ABL1: variants seen among roughly 807,000 people sequenced by gnomAD.
The protein encoded by ABL1 is tyrosine-protein kinase ABL1.
In ABL1, 11 loss-of-function variants were observed where a neutral mutation model predicts 94.7. That is an observed-to-expected ratio of 0.12 (90% CI 0.07 to 0.19). The LOEUF (loss-of-function observed/expected upper bound fraction) is 0.19, where lower values mean the gene tolerates loss of function less well. Ranked by LOEUF, ABL1 falls within the 10% of genes least tolerant of loss-of-function variation. ABL1 has a pLI of 1.00. For synonymous variants in ABL1, 656 were observed against 622.4 expected (o/e 1.05, Z -0.80); for missense variants, 1,082 against 1,489.4 (o/e 0.73, Z 4.50).
At chr9:130,855,749 A>G (rs149714168) in intron 3 of ABL1, among the ~76,000 whole-genome samples, 207 of 152,344 alleles carry the variant, frequency 1.4e-3, no homozygotes, top group African/African-American at 4.7e-3. Context: ...AGGTATTGCT[A>G]TAATACCTGC....
intron 1 of ABL1, among the ~76,000 whole-genome samples, chr9:130,804,474 C>CT (rs1359356295): frequency 6.6e-6 from 1 of 152,102 alleles, no homozygotes; most frequent in Non-Finnish European, 1.5e-5. Context: ...ATCCCAGCTA[C>CT]TTAGGAGGCT....
At chr9:130,791,144 T>C (rs1285397465) in intron 1 of ABL1, among the ~76,000 whole-genome samples, 2 of 152,068 alleles carry the variant, frequency 1.3e-5, no homozygotes. Flanking sequence ...CAGAAACGAT[T>C]CTTAAAAATA....
At chr9:130,881,782 G>A (rs1392055684) in intron 10 of ABL1, among the ~76,000 whole-genome samples, 1 of 151,926 alleles carries the variant, frequency 6.6e-6, no homozygotes, top group African/African-American at 2.4e-5. Context: ...ACATGTGAAG[G>A]GACTGGACAA....
upstream of ABL1, among the ~76,000 whole-genome samples, chr9:130,832,289 A>G (rs546430397): frequency 6.7e-6 from 1 of 149,600 alleles, no homozygotes; most frequent in East Asian, 2.0e-4. Context: ...CGCCCAGCTA[A>G]TTTTTTTGTA....
At chr9:130,793,164 G>T (rs1483779445) in intron 1 of ABL1, among the ~76,000 whole-genome samples, 1 of 152,186 alleles carries the variant, frequency 6.6e-6, no homozygotes, top group African/African-American at 2.4e-5. Context: ...GACCTCAGGT[G>T]ATCTGCCCGC....
chr9:130,714,435 G>A (rs2132661885), exon 1 of ABL1: 1 of 1,614,158 alleles, frequency 6.2e-7, no homozygotes, highest in Non-Finnish European at 8.5e-7. Flanking sequence ...GGTCCACACT[G>A]CAATGTTTTT....
intron 1 of ABL1, among the ~76,000 whole-genome samples, chr9:130,790,753 C>T (rs895778232): frequency 1.3e-5 from 2 of 151,926 alleles, no homozygotes; most frequent in Admixed American, 1.3e-4. Context: ...GGATTACAAG[C>T]ATGAGCCACT....
At chr9:130,762,197 G>A (rs1232911635) in intron 1 of ABL1, among the ~76,000 whole-genome samples, 1 of 151,316 alleles carries the variant, frequency 6.6e-6, no homozygotes, top group Non-Finnish European at 1.5e-5. Context: ...GAAGGTAACA[G>A]TTACCTAGAA....
At position 130,880,788 on chromosome 9, in the gene ABL1, T is replaced by C. The variant is rs1226442389; in HGVS notation, c.1678+124T>C. 8.3e-7 allele frequency: 1 copy of C among 1,207,054 alleles called. No individual in the cohort carries two copies. The highest frequency in any genetic ancestry group is 1.1e-6 in the Non-Finnish European group (1 of 883,830). 74.8% of individuals were successfully genotyped at this position (1,207,054 alleles called of 1,614,324 possible). A position where few individuals can be genotyped will look rare whatever the true frequency, so the allele number is the denominator to read the frequency against. ...CGCACAGAAGGGCAGCCATGGCCTT[T>C]GTCAATGGTTCAGCTTCGGAAGGAG... On this transcript the variant is annotated intron_variant, in intron 10 of 10. Coordinates refer to ENST00000318560, the MANE Select transcript of ABL1 (RefSeq NM_005157.6). This position sits in a 1 kb window ranked among gnomAD's most constrained non-coding sequence, Gnocchi z 4.4.
chr9:130,758,707 A>G (rs1271748475), intron 1 of ABL1, among the ~76,000 whole-genome samples: 1 of 152,246 alleles, frequency 6.6e-6, no homozygotes, highest in Non-Finnish European at 1.5e-5. Context: ...TGCTGGGATT[A>G]CAGGTGTGAG....
chr9:130,796,920 C>CAAAA (rs10607745), intron 1 of ABL1, among the ~76,000 whole-genome samples: 59 of 60,770 alleles, frequency 9.7e-4, no homozygotes, highest in African/African-American at 3.4e-3. Flanking sequence ...AACTTCATCT[C>CAAAA]AAAAAAAAAA....
rs993868392 is a variant in ABL1, at chr9:130,876,972, C to A, written c.1271-1443C>A. Among the ~76,000 whole-genome samples the A allele has an allele frequency of 3.4e-5, 5 of 146,874 alleles. 1 individual carries two copies. The highest frequency in any genetic ancestry group is 1.3e-4 in the African/African-American group (5 of 38,184). On this transcript the variant is annotated intron_variant, in intron 7 of 10. Transcript: ENST00000318560. ...CAGGATGGTCTCGATCTCCGGACTT[C>A]GTGATCCGCCCACCTTGGCCTCCCA...
chr9:130,867,077 G>A (rs1055462944), intron 4 of ABL1, among the ~76,000 whole-genome samples: 2 of 152,198 alleles, frequency 1.3e-5, no homozygotes, highest in African/African-American at 2.4e-5. Flanking sequence ...GGAAAAGACC[G>A]CTGGTGATCT....
intron 1 of ABL1, chr9:130,724,660 A>G (rs976704688): frequency 3.8e-6 from 1 of 263,062 alleles, no homozygotes; most frequent in African/African-American, 2.3e-5. Context: ...AAAATTAGCC[A>G]GGCGTGGTGA....
At chr9:130,740,468 A>G (rs1185502592) in intron 1 of ABL1, among the ~76,000 whole-genome samples, 1 of 152,222 alleles carries the variant, frequency 6.6e-6, no homozygotes, top group Non-Finnish European at 1.5e-5. Context: ...ATGATTCTCC[A>G]AAGGTCTGCC....
chr9:130,786,086 G>A (rs1829822014), intron 1 of ABL1, among the ~76,000 whole-genome samples: 1 of 152,168 alleles, frequency 6.6e-6, no homozygotes, highest in African/African-American at 2.4e-5. Context: ...ACACCACACA[G>A]GCACATGGGG....
intron 1 of ABL1, among the ~76,000 whole-genome samples, chr9:130,830,016 T>C (rs567896128): frequency 6.6e-6 from 1 of 152,336 alleles, no homozygotes; most frequent in Admixed American, 6.5e-5. Flanking sequence ...CTGTTTTTTA[T>C]TACCAGATTT....
At chr9:130,714,737 T>C (rs1160454306) in intron 1 of ABL1, among the ~76,000 whole-genome samples, 2 of 152,220 alleles carry the variant, frequency 1.3e-5, no homozygotes, top group African/African-American at 2.4e-5. Flanking sequence ...AGGGCTTTAG[T>C]TTCCTGAGGG....
intron 8 of ABL1, 85 bp from the exon 9 acceptor site, chr9:130,879,983 A>T (rs1303479208): frequency 1.5e-5 from 19 of 1,292,320 alleles, no homozygotes; most frequent in Non-Finnish European, 2.0e-5. Context: ...TGTTGCTTTC[A>T]TTCTAGACTT....
Sources: gnomAD v4.1 joint callset for allele counts (sites outside exome capture counted in the v4.1 genomes callset) on GRCh38, gnomAD v4.1.1 for gene constraint, Gnocchi (gnomAD v3.1) non-coding constraint, MANE v1.5 for transcripts, NCBI Gene and HGNC (gene_info 2026-07-23, HGNC 2026-07-21) for gene names.